Variants in CCDC157 observed in about 807,000 individuals in gnomAD.
The protein encoded by CCDC157 is coiled-coil domain containing 157, also known as coiled-coil domain-containing protein 157.
Under a neutral mutation model 70.9 loss-of-function variants are expected in CCDC157, and 60 were observed. The ratio of observed to expected loss-of-function variants is 0.85; its 90% CI spans 0.69 to 1.05. The LOEUF (loss-of-function observed/expected upper bound fraction) is 1.05, where lower values mean the gene tolerates loss of function less well. Among genes scored for constraint, CCDC157 ranks in the 50% least tolerant of loss-of-function variants. CCDC157 has a pLI of 0.00. For synonymous variants in CCDC157, 373 were observed against 422.4 expected, an observed-to-expected ratio of 0.88 and a Z score of 1.43; for missense variants, 943 against 984.2, an observed-to-expected ratio of 0.96 and a Z score of 0.56.
intron 3 of CCDC157, chr22:30,368,759 C>T: frequency 6.6e-6 from 1 of 152,268 alleles, no homozygotes; most frequent in East Asian, 1.9e-4. Flanking sequence ...CACTCATCTT[C>T]CTGGTATGTG....
intron 7 of CCDC157, chr22:30,373,345 A>G (rs531471027): frequency 3.9e-6 from 2 of 518,466 alleles, no homozygotes; most frequent in African/African-American, 1.9e-5. Flanking sequence ...AGAGCCAGCC[A>G]TCTGCGTTCC....
In CCDC157 at chr22:30,376,806, G is replaced by A; in HGVS notation, c.*61G>A. The A allele has an allele frequency of 6.7e-7, 1 of 1,499,690 alleles. No individual in the cohort carries two copies. The highest frequency in any genetic ancestry group is 1.9e-5 in the Admixed American group (1 of 52,570). 92.9% of individuals were successfully genotyped at this position (1,499,690 alleles called of 1,614,324 possible). On this transcript the variant is annotated 3_prime_UTR_variant, in exon 12 of 12. Transcript: ENST00000338306. ...CTGGCAGCCCACCCACTGTAATAAA[G>A]CCCCAGCCATTGGCCCACAGCAATC...
At position 30,357,020 on chromosome 22, in the gene CCDC157, C is replaced by T. The variant is rs182249708; in HGVS notation, c.-278C>T. The T allele has an allele frequency of 3.8e-3, 1,503 of 395,744 alleles. 32 individuals are homozygous for T. Among genetic ancestry groups the T allele is most frequent in the African/African-American group, 0.028 (1,365 of 48,366 alleles). The allele number at this position is 395,744 out of a possible 1,614,324, so 24.5% of individuals were successfully genotyped here. On this transcript the variant is annotated 5_prime_UTR_variant, in exon 1 of 12. Transcript: ENST00000338306. ...GCGTCCGACGCCGTTGCCAAGGCAG[C>T]GGCCTGAGCGCCCGGCTAGGGCTTT... is the stretch of plus-strand genomic sequence containing the variant.
In CCDC157 at chr22:30,373,629, G is replaced by GCAGCTGGA; in HGVS notation, c.1373_1380dup (p.Leu461TrpfsTer66). 6.4e-7 allele frequency: 1 copy of GCAGCTGGA among 1,557,438 alleles called. No individual in the cohort carries two copies. Among genetic ancestry groups the GCAGCTGGA allele is most frequent in the Non-Finnish European group, 8.7e-7 (1 of 1,150,332 alleles). Reference sequence around the variant, plus strand: ...AGGCCAAGCAGCGAGCCCTGCTAAAGCAGCTGGACAGCCTGGACCAGGAAC... The same window carrying GCAGCTGGA: ...AGGCCAAGCAGCGAGCCCTGCTAAAGCAGCTGGACAGCTGGACAGCCTGGACCAGGAAC... On this transcript the variant is annotated frameshift_variant, in exon 8 of 12. Coordinates refer to ENST00000338306, the MANE Select transcript of CCDC157 (RefSeq NM_001017437.5). LOFTEE classifies it high-confidence loss of function.
At chr22:30,360,555 C>A (rs1408930486) in intron 1 of CCDC157, among the ~76,000 whole-genome samples, 1 of 151,842 alleles carries the variant, frequency 6.6e-6, no homozygotes, top group Admixed American at 6.6e-5. Context: ...AAATGAAAAC[C>A]CAAAGAAACA....
intron 9 of CCDC157, chr22:30,375,148 G>A (rs1200758096): frequency 7.4e-5 from 22 of 298,376 alleles, no homozygotes; most frequent in South Asian, 4.4e-4. Context: ...TAGTAGAGAC[G>A]GGGTTTCACC....
chr22:30,369,249 G>A (rs1347981607), intron 3 of CCDC157, 183 bp from the exon 4 acceptor site: 2 of 448,996 alleles, frequency 4.5e-6, no homozygotes, highest in Non-Finnish European at 7.4e-6. Flanking sequence ...TGTGGCCAGG[G>A]AGGGCTTCCC....
rs748338694 is a variant in CCDC157, at chr22:30,369,462, C to T, written c.279C>T (p.Ser93=). The change falls in exon 4 of 12, where the codon AGC becomes AGT. Residue 93 remains serine, a synonymous_variant. Transcript: ENST00000338306. The part of the protein sequence containing the change: ...RLLLLLQSCM[S]YLENLGSEQM... ...TGCTGCTGCTTCAAAGCTGTATGAGCTACTTGGAGAACCTTGGCTCAGAGC... is the reference window on the plus strand; with the variant it reads ...TGCTGCTGCTTCAAAGCTGTATGAGTTACTTGGAGAACCTTGGCTCAGAGC... The T allele has an allele frequency of 6.4e-7, 1 of 1,556,208 alleles. No individual in the cohort carries two copies. The highest frequency in any genetic ancestry group is 1.9e-5 in the Admixed American group (1 of 51,914).
At chr22:30,366,410 C>T (rs1932742656) in intron 3 of CCDC157, 162 bp downstream of exon 3, 2 of 805,586 alleles carry the variant, frequency 2.5e-6, no homozygotes, top group South Asian at 3.4e-5. Context: ...TCAAAGTGGT[C>T]TTACCTTTTA....
At chr22:30,375,224 T>C in intron 9 of CCDC157, 1 of 406,072 alleles carries the variant, frequency 2.5e-6, no homozygotes. Context: ...CCCAAAGTGC[T>C]GGGATTACAG....
At chr22:30,365,204 A>G (rs1214822186) in intron 2 of CCDC157, among the ~76,000 whole-genome samples, 3 of 152,118 alleles carry the variant, frequency 2.0e-5, no homozygotes, top group African/African-American at 7.2e-5. Flanking sequence ...GGATGAGAGG[A>G]GTTAGCCAGG....
At position 30,372,275 on chromosome 22, in the gene CCDC157, C is replaced by T. The variant is rs762969694; in HGVS notation, c.1324C>T (p.Arg442Cys). The T allele has an allele frequency of 4.1e-5, 65 of 1,570,602 alleles. No individual in the cohort carries two copies. Among genetic ancestry groups the T allele is most frequent in the South Asian group, 6.9e-5 (6 of 86,760 alleles). The change falls in exon 7 of 12, where the codon CGC becomes TGC. Residue 442 changes from arginine (R) to cysteine (C), a missense_variant. Coordinates refer to ENST00000338306, the MANE Select transcript of CCDC157 (RefSeq NM_001017437.5). ...KEKARVDSMVRHQESLQAKQR... is the reference protein window; with the variant it reads ...KEKARVDSMVCHQESLQAKQR... ...GAAGGCCCGTGTCGACAGCATGGTCCGCCACCAGGAGGTGAGGCCAGGGCC... is the reference window on the plus strand; with the variant it reads ...GAAGGCCCGTGTCGACAGCATGGTCTGCCACCAGGAGGTGAGGCCAGGGCC...
chr22:30,367,808 A>G (rs1265784266), intron 3 of CCDC157, among the ~76,000 whole-genome samples: 1 of 152,048 alleles, frequency 6.6e-6, no homozygotes, highest in Non-Finnish European at 1.5e-5. Context: ...GCACTTTGGG[A>G]GGCCGAGGTG....
chr22:30,374,245 A>G (rs1933176863), intron 9 of CCDC157, 154 bp downstream of exon 9: 4 of 855,398 alleles, frequency 4.7e-6, no homozygotes, highest in Non-Finnish European at 7.3e-6. Context: ...TGGACCCACC[A>G]CAGCACGCAA....
intron 2 of CCDC157, among the ~76,000 whole-genome samples, chr22:30,364,537 C>T (rs1932586682): frequency 2.6e-5 from 4 of 151,904 alleles, no homozygotes; most frequent in South Asian, 4.2e-4. Context: ...GGCTGGGTGC[C>T]GTGGCTCACG....
intron 1 of CCDC157, among the ~76,000 whole-genome samples, chr22:30,360,196 G>C (rs1248741332): frequency 2.0e-5 from 3 of 151,914 alleles, no homozygotes; most frequent in African/African-American, 4.8e-5. Flanking sequence ...CAAGAGAAAA[G>C]CATACAAATT....
Position 30,376,765 on chromosome 22 carries a change from G to C in CCDC157, c.*20G>C. 4 of 1,597,888 alleles carry C rather than the reference G, an allele frequency of 2.5e-6. No individual in the cohort carries two copies. The highest frequency in any genetic ancestry group is 3.4e-6 in the Non-Finnish European group (4 of 1,169,470). ...ATGTAGCCTGTGGCCCAGGGCTGAG[G>C]CTGGATGGGAGGTGGCTGGCAGCCC... On this transcript the variant is annotated 3_prime_UTR_variant, in exon 12 of 12. Transcript: ENST00000338306.
At chr22:30,363,863 T>A (rs529996099) in intron 2 of CCDC157, among the ~76,000 whole-genome samples, 1 of 152,262 alleles carries the variant, frequency 6.6e-6, no homozygotes, top group Non-Finnish European at 1.5e-5. Flanking sequence ...AATTTTTGTA[T>A]TTTTGTAGAG....
chr22:30,371,233 C>T, intron 5 of CCDC157: 3 of 533,608 alleles, frequency 5.6e-6, no homozygotes, highest in Non-Finnish European at 1.0e-5. Context: ...TCCACTTGCA[C>T]TGTCAGTCAT....
Sources: allele counts gnomAD v4.1 joint callset (sites outside exome capture counted in the v4.1 genomes callset), GRCh38; gene constraint gnomAD v4.1.1; transcripts MANE v1.5; gene names NCBI Gene and HGNC (gene_info 2026-07-23, HGNC 2026-07-21).